SORL1: variants seen among roughly 807,000 people sequenced by gnomAD.
SORL1 encodes sortilin-related receptor.
A neutral mutation model predicts 273.7 loss-of-function variants in SORL1; 127 were observed. The ratio of observed to expected loss-of-function variants is 0.46; its 90% CI spans 0.40 to 0.54. The LOEUF is 0.54. Among genes scored for constraint, SORL1 ranks in the 20% least tolerant of loss-of-function variants. The pLI is 0.00. For missense variants in SORL1, 2,494 were observed against 2,846.1 expected (o/e 0.88, Z 2.81); for synonymous variants, 1,031 against 1,067.4 (o/e 0.97, Z 0.66).
At chr11:121,513,126 A>T (rs1270914695) in intron 7 of SORL1, 22 bp downstream of exon 7, 5 of 1,524,634 alleles carry the variant, frequency 3.3e-6, no homozygotes, top group Non-Finnish European at 4.6e-6. Context: ...CTGCTTGAGG[A>T]TGGGAAGAAG....
intron 42 of SORL1, 64 bp downstream of exon 42, chr11:121,618,957 C>A: frequency 1.3e-6 from 2 of 1,586,074 alleles, no homozygotes; most frequent in South Asian, 2.2e-5. Flanking sequence ...CTGGTCTCAA[C>A]CCAGGACCTG....
intron 21 of SORL1, 89 bp from the exon 22 acceptor site, chr11:121,566,851 G>A (rs1591330286): frequency 8.8e-6 from 11 of 1,244,306 alleles, no homozygotes; most frequent in East Asian, 2.5e-5. Flanking sequence ...TCCGTAAGAC[G>A]AGGAGGTTGC....
intron 31 of SORL1, among the ~76,000 whole-genome samples, chr11:121,593,687 G>C (rs1290177674): frequency 1.3e-5 from 2 of 152,030 alleles, no homozygotes; most frequent in African/African-American, 2.4e-5. Context: ...CAGTGGCCAA[G>C]GACACTGTGA....
At chr11:121,582,793 G>A (rs752275575) in intron 25 of SORL1, among the ~76,000 whole-genome samples, 1 of 152,140 alleles carries the variant, frequency 6.6e-6, no homozygotes, top group East Asian at 1.9e-4. Context: ...TGCTTTCTTT[G>A]TGATTTTGGA....
chr11:121,556,346 A>G (rs1459083982), intron 18 of SORL1, among the ~76,000 whole-genome samples: 2 of 152,226 alleles, frequency 1.3e-5, no homozygotes, highest in East Asian at 3.8e-4. Context: ...GAGTGGGGCA[A>G]CATTAGAATA....
chr11:121,532,348 G>C, intron 11 of SORL1, 116 bp from the exon 12 acceptor site: 1 of 836,878 alleles, frequency 1.2e-6, no homozygotes, highest in South Asian at 1.7e-5. Flanking sequence ...TTTTCAAGTG[G>C]TTGTCATTGC....
chr11:121,455,978 G>A (rs1449582686), intron 1 of SORL1, among the ~76,000 whole-genome samples: 1 of 148,808 alleles, frequency 6.7e-6, no homozygotes, highest in East Asian at 2.0e-4. Flanking sequence ...GGGGGACAGA[G>A]TGAGACTCCA....
At chr11:121,558,108 A>G (rs985716014) in intron 19 of SORL1, among the ~76,000 whole-genome samples, 9 of 152,216 alleles carry the variant, frequency 5.9e-5, no homozygotes, top group African/African-American at 2.2e-4. Context: ...TGTATCTTTC[A>G]TGATTGCTTT....
At chr11:121,524,061 G>A (rs1286037018) in intron 11 of SORL1, among the ~76,000 whole-genome samples, 1 of 152,218 alleles carries the variant, frequency 6.6e-6, no homozygotes, top group Non-Finnish European at 1.5e-5. Context: ...TGTACTGTAT[G>A]TGGTGAACGC....
intron 6 of SORL1, among the ~76,000 whole-genome samples, chr11:121,503,743 A>AT (rs1861747045): frequency 6.6e-6 from 1 of 152,150 alleles, no homozygotes; most frequent in South Asian, 2.1e-4. Context: ...ATTAATCTGT[A>AT]TATCTACCCC....
At chr11:121,545,949 C>T (rs923939596) in intron 14 of SORL1, among the ~76,000 whole-genome samples, 1 of 152,198 alleles carries the variant, frequency 6.6e-6, no homozygotes, top group Non-Finnish European at 1.5e-5. Context: ...GAGCAAGTGC[C>T]TCAGAGGAGG....
intron 46 of SORL1, chr11:121,626,995 G>A (rs1334655940): frequency 1.9e-5 from 3 of 153,856 alleles, no homozygotes; most frequent in African/African-American, 7.2e-5. Flanking sequence ...AATGTATATG[G>A]AAAGTTGTTT....
chr11:121,583,938 A>G (rs980780877), intron 26 of SORL1, among the ~76,000 whole-genome samples: 3 of 152,232 alleles, frequency 2.0e-5, no homozygotes, highest in Admixed American at 6.5e-5. Context: ...ACATGTTGTT[A>G]TACATTCTAC....
intron 2 of SORL1, among the ~76,000 whole-genome samples, chr11:121,470,486 C>A (rs1015468384): frequency 6.6e-6 from 1 of 152,206 alleles, no homozygotes; most frequent in Non-Finnish European, 1.5e-5. Context: ...TTCTTCTAAC[C>A]CATTATAGTG....
At chr11:121,561,798 C>T (rs964865974) in intron 21 of SORL1, among the ~76,000 whole-genome samples, 1 of 151,508 alleles carries the variant, frequency 6.6e-6, no homozygotes, top group South Asian at 2.1e-4. Flanking sequence ...GGCCAGTTGT[C>T]GCCTCTCTGC....
intron 16 of SORL1, among the ~76,000 whole-genome samples, chr11:121,552,640 A>G (rs1459273920): frequency 6.6e-6 from 1 of 152,246 alleles, no homozygotes; most frequent in Non-Finnish European, 1.5e-5. Flanking sequence ...TGATGGTAAC[A>G]TAGATACTTC....
At chr11:121,615,734 A>G (rs1863630202) in intron 41 of SORL1, among the ~76,000 whole-genome samples, 1 of 152,192 alleles carries the variant, frequency 6.6e-6, no homozygotes, top group South Asian at 2.1e-4. Flanking sequence ...ATAGGGAAAT[A>G]ACCAAAGTTT....
intron 2 of SORL1, among the ~76,000 whole-genome samples, chr11:121,471,936 G>A (rs1204582304): frequency 6.6e-6 from 1 of 152,144 alleles, no homozygotes; most frequent in African/African-American, 2.4e-5. Flanking sequence ...TTATAAATAT[G>A]ATCAGGTTTT....
chr11:121,482,263 T>C (rs1861402474), intron 3 of SORL1, among the ~76,000 whole-genome samples: 1 of 152,050 alleles, frequency 6.6e-6, no homozygotes, highest in Admixed American at 6.6e-5. Context: ...GTGATTCCAG[T>C]AAGGGAGTTT....
Sources: allele counts gnomAD v4.1 joint callset (sites outside exome capture counted in the v4.1 genomes callset), GRCh38; gene constraint gnomAD v4.1.1; transcripts MANE v1.5; gene names NCBI Gene and HGNC (gene_info 2026-07-23, HGNC 2026-07-21).